The following ARMH1 variants were observed in gnomAD, a reference collection of about 807,000 sequenced individuals.
ARMH1 encodes the protein armadillo like helical domain containing 1.
In ARMH1, 34 loss-of-function variants were observed where a neutral mutation model predicts 50.2. The observed-to-expected ratio is 0.68, with a 90% CI of 0.51 to 0.90. ARMH1 has a LOEUF of 0.90. Ranked by LOEUF, ARMH1 falls within the 40% of genes least tolerant of loss-of-function variation. The pLI is 0.00. For synonymous variants in ARMH1, 221 were observed against 224.2 expected (o/e 0.99, Z 0.13); for missense variants, 538 against 553.9 (o/e 0.97, Z 0.29).
chr1:44,705,904 T>G (rs1338386653), intron 6 of ARMH1, among the ~76,000 whole-genome samples: 2 of 148,754 alleles, frequency 1.3e-5, no homozygotes, highest in Admixed American at 6.7e-5. Flanking sequence ...AGGAGAGGAG[T>G]TCGTTCTGGA....
At chr1:44,705,115 A>G (rs932876464) in intron 6 of ARMH1, among the ~76,000 whole-genome samples, 14 of 151,170 alleles carry the variant, frequency 9.3e-5, no homozygotes, top group Admixed American at 5.9e-4. Flanking sequence ...GATTACAGGC[A>G]TGAGCCACCG....
At position 44,688,229 on chromosome 1, in the gene ARMH1, C is replaced by G. The variant is rs533917403; in HGVS notation, c.-22-1447C>G. The G allele has an allele frequency of 2.0e-5, 3 of 152,440 alleles. No homozygotes were observed. The East Asian group carries it at 5.8e-4, about 29-fold the overall frequency. The allele number at this position is 152,440 out of a possible 1,614,324, so 9.4% of individuals were successfully genotyped here. ...GCAGTCATTCACCTGGTTCTTAAGG[C>G]CAGCTAGATTTCGTGGTTATCTCCA... is the stretch of plus-strand genomic sequence containing the variant. On this transcript the variant is annotated intron_variant, in intron 1 of 11. Coordinates refer to ENST00000535358, the MANE Select transcript of ARMH1 (RefSeq NM_001145636.2).
chr1:44,705,210 G>T (rs1271104702), intron 6 of ARMH1, among the ~76,000 whole-genome samples: 1 of 151,852 alleles, frequency 6.6e-6, no homozygotes. Context: ...ACCATAAGAG[G>T]CCAGGCATGG....
rs775050209 is a variant in ARMH1, at chr1:44,689,705, C to T, written c.8C>T (p.Ser3Phe). MT[S>F]IKEQAAISRL... ...CTTCAGGACTGATTGATCATGACTT[C>T]TATAAAGGAGCAGGCAGCAATTAGC... Residue 3 changes from serine (S) to phenylalanine (F), a missense_variant, in exon 2 of 12, where the codon TCT (serine) becomes TTT (phenylalanine). Physicochemically the swap from Ser to Phe is radical, Grantham distance 155 (BLOSUM62 -2). Transcript: ENST00000535358. The T allele has an allele frequency of 1.9e-6, 3 of 1,551,956 alleles. No individual in the cohort carries two copies. The South Asian group carries it at 3.6e-5, about 18-fold the overall frequency.
Position 44,709,662 on chromosome 1 carries a change from C to T in ARMH1, c.724+5489C>T, listed in dbSNP as rs375001448. Among the ~76,000 whole-genome samples the T allele has an allele frequency of 1.3e-4, 19 of 148,294 alleles. 1 individual carries two copies. Among genetic ancestry groups the T allele is most frequent in the African/African-American group, 4.5e-4 (18 of 40,388 alleles). On this transcript the variant is annotated intron_variant, in intron 6 of 11. Coordinates refer to ENST00000535358, the MANE Select transcript of ARMH1 (RefSeq NM_001145636.2). ...ACTCCAGCCTGGCAACAGAGTGAGA[C>T]TCCATCTCAGAAAAAAAAAAAAAAA...
intron 4 of ARMH1, among the ~76,000 whole-genome samples, chr1:44,700,463 A>G (rs1390311449): frequency 1.3e-5 from 2 of 151,986 alleles, no homozygotes; most frequent in African/African-American, 4.8e-5. Context: ...TAAAAATACA[A>G]AAATTAGCCA....
rs1217285760 is a variant in ARMH1, at chr1:44,724,536, C to A, written c.921-3C>A. ...GTCGCCCCAGCCCGAACCCCCGGCC[C>A]AGGGTCCTGGCGCGCAACGACATGA... On this transcript the variant is annotated splice_region_variant and splice_polypyrimidine_tract_variant and intron_variant, in intron 8 of 11. Transcript: ENST00000535358. This position sits in a 1 kb window ranked among gnomAD's most constrained non-coding sequence, Gnocchi z 6.4. 6.6e-7 allele frequency: 1 copy of A among 1,507,372 alleles called. No individual in the cohort carries two copies. The highest frequency in any genetic ancestry group is 8.8e-7 in the Non-Finnish European group (1 of 1,131,358). 93.4% of individuals were successfully genotyped at this position (1,507,372 alleles called of 1,614,324 possible). A position where few individuals can be genotyped will look rare whatever the true frequency, so the allele number is the denominator to read the frequency against.
At position 44,704,098 on chromosome 1, in the gene ARMH1, G is replaced by T; in HGVS notation, c.649G>T (p.Gly217Trp). 6.4e-7 allele frequency: 1 copy of T among 1,550,416 alleles called. No individual in the cohort carries two copies. Among genetic ancestry groups the T allele is most frequent in the South Asian group, 1.2e-5 (1 of 84,010 alleles). ...TTGTCTGTCTGGTCAGCCAATCATT[G>T]GGACCACACACCCCAGCATCGTGGA... Reference protein sequence around the residue: ...QTLRTAQPIIGTTHPSIVDCV... With the variant: ...QTLRTAQPIIWTTHPSIVDCV... Residue 217 changes from glycine to tryptophan, a missense_variant, in exon 6 of 12, where the codon GGG becomes TGG. Gly to Trp is a radical substitution (Grantham distance 184). Coordinates refer to ENST00000535358, the MANE Select transcript of ARMH1 (RefSeq NM_001145636.2).
chr1:44,715,369 GT>G (rs1430189494), intron 6 of ARMH1, among the ~76,000 whole-genome samples: 3 of 152,190 alleles, frequency 2.0e-5, no homozygotes, highest in Non-Finnish European at 4.4e-5. Flanking sequence ...GTTCATTGTG[GT>G]TTCCTGGGCA....
At chr1:44,710,035 C>T (rs980938910) in intron 6 of ARMH1, among the ~76,000 whole-genome samples, 3 of 152,122 alleles carry the variant, frequency 2.0e-5, no homozygotes, top group Non-Finnish European at 4.4e-5. Flanking sequence ...AAGTATGGTT[C>T]ATCAGCCCCA....
rs1645858428 is a variant in ARMH1 at position 44,697,258 on chromosome 1, G to A, written c.275+88G>A. 5 of 1,053,938 alleles carry A rather than the reference G, an allele frequency of 4.7e-6. No individual in the cohort carries two copies. In the African/African-American group the frequency reaches 7.9e-5, roughly 17 times the overall value. 65.3% of individuals were successfully genotyped at this position (1,053,938 alleles called of 1,614,324 possible). ...GGCATTCACACCACCCAGGGCCACG[G>A]ATTCCTGTTAGCAGTGGGTTCCTTG... On this transcript the variant is annotated intron_variant, in intron 3 of 11. Coordinates refer to ENST00000535358, the MANE Select transcript of ARMH1 (RefSeq NM_001145636.2).
intron 2 of ARMH1, among the ~76,000 whole-genome samples, chr1:44,694,917 T>C (rs888870833): frequency 1.3e-5 from 2 of 152,210 alleles, no homozygotes; most frequent in African/African-American, 4.8e-5. Flanking sequence ...TATTATTCCA[T>C]TTTATAGATA....
intron 2 of ARMH1, 79 bp from the exon 3 acceptor site, chr1:44,697,023 T>G (rs1316105716): frequency 9.4e-7 from 1 of 1,068,454 alleles, no homozygotes; most frequent in Non-Finnish European, 1.4e-6. Flanking sequence ...GGGCCCGGGG[T>G]GGTACCAGAG....
At chr1:44,721,851 A>C (rs931974019) in intron 6 of ARMH1, 1 of 152,300 alleles carries the variant, frequency 6.6e-6, no homozygotes, top group East Asian at 1.9e-4. Context: ...CTCCACGGAA[A>C]TCTTTAGTAA....
At chr1:44,678,243 G>A (rs1227638287) in intron 1 of ARMH1, among the ~76,000 whole-genome samples, 2 of 152,122 alleles carry the variant, frequency 1.3e-5, no homozygotes, top group African/African-American at 2.4e-5. Flanking sequence ...CTGTGGAGCA[G>A]TGTTGGAGGC....
In ARMH1 at chr1:44,689,993, G is replaced by A. The variant is rs1214682027; in HGVS notation, c.206+90G>A. 3 of 1,147,842 alleles carry A rather than the reference G, an allele frequency of 2.6e-6. No homozygotes were observed. In the East Asian group the frequency reaches 7.8e-5, roughly 30 times the overall value. The allele number at this position is 1,147,842 out of a possible 1,614,324, so 71.1% of individuals were successfully genotyped here. On this transcript the variant is annotated intron_variant, in intron 2 of 11. Transcript: ENST00000535358. ...CCAGCACTTTGGGAGGCCAAGGTGGGCAGATCACAAGGTCAGGAGTTCGAG... is the reference window on the plus strand; with the variant it reads ...CCAGCACTTTGGGAGGCCAAGGTGGACAGATCACAAGGTCAGGAGTTCGAG...
intron 1 of ARMH1, among the ~76,000 whole-genome samples, chr1:44,678,417 G>C (rs1053429640): frequency 6.6e-6 from 1 of 152,110 alleles, no homozygotes; most frequent in Non-Finnish European, 1.5e-5. Flanking sequence ...GGTGGGGGCA[G>C]ATGGAGTCTA....
Position 44,714,555 on chromosome 1 carries a change from G to A in ARMH1, c.725-9567G>A, listed in dbSNP as rs376553092. On this transcript the variant is annotated intron_variant, in intron 6 of 11. Coordinates refer to ENST00000535358, the MANE Select transcript of ARMH1 (RefSeq NM_001145636.2). ...AGCTGAGATCACGCCATTGCACTCC[G>A]GCCTGGGCAACAAGAGTGAAACTCC... 8.6e-5 allele frequency among the ~76,000 whole-genome samples: 13 copies of A among 151,622 alleles called. No individual in the cohort carries two copies. In the East Asian group the frequency reaches 1.7e-3, roughly 20 times the overall value.
intron 6 of ARMH1, among the ~76,000 whole-genome samples, chr1:44,719,593 A>G (rs537751984): frequency 5.0e-4 from 76 of 152,200 alleles, no homozygotes; most frequent in Non-Finnish European, 8.5e-4. Flanking sequence ...GAAATCATCA[A>G]TGATAGTTTT....
Sources: gnomAD v4.1 joint callset for allele counts (sites outside exome capture counted in the v4.1 genomes callset) on GRCh38, gnomAD v4.1.1 for gene constraint, Gnocchi (gnomAD v3.1) non-coding constraint, MANE v1.5 for transcripts, NCBI Gene and HGNC (gene_info 2026-07-23, HGNC 2026-07-21) for gene names.